JPT2: variants seen among roughly 807,000 people sequenced by gnomAD.
JPT2 encodes the protein CRAMP_1 like.
JPT2 carries 9 observed loss-of-function variants against 15.9 expected under a neutral mutation model. The observed-to-expected ratio is 0.57, with a 90% confidence interval of 0.34 to 0.99. JPT2 has a LOEUF of 0.99. Among genes scored for constraint, JPT2 ranks in the 50% least tolerant of loss-of-function variants. The probability of loss-of-function intolerance (pLI) is 0.02; values close to 1 mark genes in which losing one functional copy is unlikely to be tolerated. For synonymous variants in JPT2, 95 were observed against 91.7 expected, an observed-to-expected ratio of 1.04 and a Z score of -0.21; for missense variants, 267 against 252.1, an observed-to-expected ratio of 1.06 and a Z score of -0.40.
intron 2 of JPT2, chr16:1,688,622 C>G (rs973218604): frequency 6.6e-6 from 1 of 152,044 alleles, no homozygotes; most frequent in Non-Finnish European, 1.5e-5. Flanking sequence ...GCCTGTAATC[C>G]CAGCATTTTG....
rs1030958285 is a variant in JPT2 at position 1,678,353 on chromosome 16, C to G, written c.41C>G (p.Ser14Cys). 1.9e-5 allele frequency: 23 copies of G among 1,232,284 alleles called. No homozygotes were observed. Among genetic ancestry groups the G allele is most frequent in the African/African-American group, 7.8e-5 (5 of 64,092 alleles). 76.3% of individuals were successfully genotyped at this position (1,232,284 alleles called of 1,614,324 possible). ...GATAGCGAGGGCGGCCGCGCCGGCT[C>G]CAGGTGCGGCGCGGGGCACACGGGA... ...VPDSEGGRAG[S>C]RAMKPPGGES... Residue 14 changes from serine (S) to cysteine (C), a missense_variant, in exon 1 of 5, where the codon TCC becomes TGC. By Grantham distance (112) the Ser-to-Cys change is moderately radical. Coordinates refer to ENST00000248098, the MANE Select transcript of JPT2 (RefSeq NM_144570.3).
intron 1 of JPT2, chr16:1,680,618 C>A: frequency 3.2e-6 from 2 of 624,810 alleles, no homozygotes; most frequent in Non-Finnish European, 4.2e-6. Context: ...TGCTGTGAAG[C>A]GAGTCAGGTG....
At chr16:1,696,276 C>G (rs2142229947) in intron 3 of JPT2, among the ~76,000 whole-genome samples, 1 of 152,102 alleles carries the variant, frequency 6.6e-6, no homozygotes, top group African/African-American at 2.4e-5. Flanking sequence ...TGGCTCACAC[C>G]TGTAATCCCA....
chr16:1,680,436 A>C, intron 1 of JPT2: 6 of 1,215,852 alleles, frequency 4.9e-6, no homozygotes, highest in Non-Finnish European at 6.3e-6. Flanking sequence ...GTGTTGAGAA[A>C]GGGAGAAAAC....
intron 1 of JPT2, chr16:1,683,744 T>G (rs1457536860): frequency 6.7e-6 from 4 of 597,704 alleles, no homozygotes; most frequent in African/African-American, 1.9e-5. Flanking sequence ...CAGCGCTCTT[T>G]CTAGATCTTT....
downstream of JPT2, among the ~76,000 whole-genome samples, chr16:1,702,834 A>T (rs907882612): frequency 8.5e-5 from 13 of 152,250 alleles, no homozygotes; most frequent in African/African-American, 3.1e-4. Context: ...GATACTTAGA[A>T]ATTAAAGTTG....
rs1272175849 is a variant in JPT2 at position 1,685,963 on chromosome 16, C to G, written c.193+376C>G. On this transcript the variant is annotated intron_variant, in intron 2 of 4. Transcript: ENST00000248098. Reference sequence around the variant, plus strand: ...CCTAGGGAGGGAGAGTGTTTTTATTCAGATCGTCAGTGGGATTGAAACTCT... The same window carrying G: ...CCTAGGGAGGGAGAGTGTTTTTATTGAGATCGTCAGTGGGATTGAAACTCT... 11 of 187,542 alleles carry G rather than the reference C, an allele frequency of 5.9e-5. No individual in the cohort carries two copies. In the South Asian group the frequency reaches 9.0e-4, roughly 15 times the overall value. The allele number at this position is 187,542 out of a possible 1,614,324, so 11.6% of individuals were successfully genotyped here. A position where few individuals can be genotyped will look rare whatever the true frequency, so the allele number is the denominator to read the frequency against.
intron 3 of JPT2, among the ~76,000 whole-genome samples, chr16:1,696,516 G>A (rs1404585171): frequency 2.7e-5 from 4 of 150,138 alleles, no homozygotes; most frequent in East Asian, 2.0e-4. Flanking sequence ...GTGAGACTCC[G>A]TGTCAAAAAA....
At chr16:1,683,589 A>G in intron 1 of JPT2, 1 of 1,535,202 alleles carries the variant, frequency 6.5e-7, no homozygotes, top group Non-Finnish European at 8.7e-7. Flanking sequence ...GCACCACTTC[A>G]GAGGTCGGCC....
chr16:1,692,163 C>T, intron 3 of JPT2, 178 bp downstream of exon 3: 1 of 806,372 alleles, frequency 1.2e-6, no homozygotes, highest in Non-Finnish European at 1.9e-6. Flanking sequence ...ACCCAGGAAA[C>T]AGTCCAGCCT....
At chr16:1,678,909 A>G (rs1215928419) in intron 1 of JPT2, among the ~76,000 whole-genome samples, 1 of 152,132 alleles carries the variant, frequency 6.6e-6, no homozygotes, top group Non-Finnish European at 1.5e-5. Flanking sequence ...CGCTTCCACT[A>G]GTTCATGTGA....
intron 4 of JPT2, 89 bp downstream of exon 4, chr16:1,697,949 C>A: frequency 8.3e-7 from 1 of 1,204,760 alleles, no homozygotes; most frequent in South Asian, 1.3e-5. Context: ...GAAAAGGAGT[C>A]TTTCTTTGCA....
In JPT2 at chr16:1,699,341, G is replaced by A. The variant is rs1029841957; in HGVS notation, c.*343G>A. The A allele has an allele frequency of 9.9e-6, 5 of 503,988 alleles. No homozygotes were observed. Among genetic ancestry groups the A allele is most frequent in the Admixed American group, 2.3e-5 (1 of 43,854 alleles). 31.2% of individuals were successfully genotyped at this position (503,988 alleles called of 1,614,324 possible). On this transcript the variant is annotated 3_prime_UTR_variant, in exon 5 of 5. Transcript: ENST00000248098. Reference sequence around the variant, plus strand: ...GCTGATTGGATGTCTAGGAATGACTGAAAGAAACCAAAACAGCCTGTCCAC... The same window carrying A: ...GCTGATTGGATGTCTAGGAATGACTAAAAGAAACCAAAACAGCCTGTCCAC...
intron 2 of JPT2, chr16:1,688,725 A>C (rs973630896): frequency 6.6e-6 from 1 of 152,208 alleles, no homozygotes; most frequent in East Asian, 1.9e-4. Flanking sequence ...AATAAATGAT[A>C]TTTTTAAAAA....
At chr16:1,684,969 G>A (rs1006199852) in intron 1 of JPT2, among the ~76,000 whole-genome samples, 5 of 151,970 alleles carry the variant, frequency 3.3e-5, no homozygotes, top group African/African-American at 1.2e-4. Flanking sequence ...AAGTAGTCTG[G>A]CGTCTGTAAA....
chr16:1,696,413 C>T (rs2037142420), intron 3 of JPT2, among the ~76,000 whole-genome samples: 1 of 151,796 alleles, frequency 6.6e-6, no homozygotes, highest in Non-Finnish European at 1.5e-5. Flanking sequence ...CCCAGCTACT[C>T]TGGAGGCTGA....
intron 3 of JPT2, among the ~76,000 whole-genome samples, chr16:1,693,834 T>C (rs924398547): frequency 2.0e-5 from 3 of 151,698 alleles, no homozygotes; most frequent in African/African-American, 7.3e-5. Flanking sequence ...TCAGAGGACT[T>C]GGGGAACAAG....
chr16:1,688,730 T>A (rs2037084707), intron 2 of JPT2: 1 of 152,188 alleles, frequency 6.6e-6, no homozygotes, highest in African/African-American at 2.4e-5. Flanking sequence ...ATGATATTTT[T>A]AAAAACAAAA....
At chr16:1,683,507 A>G (rs1240839103) in intron 1 of JPT2, 37 of 1,532,012 alleles carry the variant, frequency 2.4e-5, no homozygotes, top group Non-Finnish European at 3.1e-5. Flanking sequence ...CAAATCCTCC[A>G]GGAAATGGCA....
Sources: allele counts gnomAD v4.1 joint callset (sites outside exome capture counted in the v4.1 genomes callset), GRCh38; gene constraint gnomAD v4.1.1; transcripts MANE v1.5; gene names NCBI Gene and HGNC (gene_info 2026-07-23, HGNC 2026-07-21).